Variants in TBL2 observed in about 807,000 individuals in gnomAD.
The protein encoded by TBL2 is transducin beta-like protein 2.
A neutral mutation model predicts 41.8 loss-of-function variants in TBL2; 33 were observed. The observed-to-expected ratio is 0.79, with a 90% CI of 0.60 to 1.06. The LOEUF (loss-of-function observed/expected upper bound fraction) is 1.06, where lower values mean the gene tolerates loss of function less well. TBL2 is among the 50% of genes least tolerant of loss of function. TBL2 has a pLI of 0.00. For synonymous variants in TBL2, 239 were observed against 241.7 expected (o/e 0.99, Z 0.10); for missense variants, 522 against 603.8 (o/e 0.86, Z 1.42).
chr7:73,573,010 C>A (rs782212076), intron 4 of TBL2, 40 bp from the exon 5 acceptor site: 1 of 1,612,726 alleles, frequency 6.2e-7, no homozygotes, highest in South Asian at 1.1e-5. Context: ...GGGCAGTGAC[C>A]TGACCAACTG....
At chr7:73,576,296 G>C (rs11771713) in intron 1 of TBL2, among the ~76,000 whole-genome samples, 7,177 of 151,324 alleles carry the variant, frequency 0.047, 223 homozygotes, top group Non-Finnish European at 0.067. Context: ...GCCTCCCAAA[G>C]TGCTGGGATT....
intron 5 of TBL2, chr7:73,571,760 A>C (rs1205106633): frequency 6.7e-6 from 1 of 149,258 alleles, no homozygotes; most frequent in Non-Finnish European, 1.4e-5. Context: ...AGACTGTCTC[A>C]GAAAAAAAAA....
rs375584679 is a variant in TBL2, at chr7:73,573,984, C to G, written c.400G>C (p.Val134Leu). 19 of 1,614,166 alleles carry G rather than the reference C, an allele frequency of 1.2e-5. No individual in the cohort carries two copies. The highest frequency in any genetic ancestry group is 1.4e-5 in the Non-Finnish European group (17 of 1,180,048). ...ACCAGGGTGGCGTGGTCCAGCTCCACGTTGGCTCTCATGCTGCGGTGCTCT... is the reference window on the plus strand; with the variant it reads ...ACCAGGGTGGCGTGGTCCAGCTCCAGGTTGGCTCTCATGCTGCGGTGCTCT... ...QREHRSMRANVELDHATLVRF... is the reference protein window; with the variant it reads ...QREHRSMRANLELDHATLVRF... Residue 134 changes from valine to leucine, a missense_variant, in exon 3 of 7, where the codon GTG (valine) becomes CTG (leucine). Transcript: ENST00000305632.
rs1391211654 is a variant in TBL2, at chr7:73,569,231, C to G, written c.*1276G>C. On this transcript the variant is annotated 3_prime_UTR_variant, in exon 7 of 7. Transcript: ENST00000305632. ...GTAACCAAAAGAACGTTCTGGTGAA[C>G]AGATGACAGCTGTGGTGGTGGGACA... 1 of 152,056 alleles carries G rather than the reference C, an allele frequency of 6.6e-6. No individual in the cohort carries two copies. Among genetic ancestry groups the G allele is most frequent in the African/African-American group, 2.4e-5 (1 of 41,376 alleles). The allele number at this position is 152,056 out of a possible 1,614,324, so 9.4% of individuals were successfully genotyped here. A position where few individuals can be genotyped will look rare whatever the true frequency, so the allele number is the denominator to read the frequency against.
chr7:73,576,679 A>C (rs1554589005), intron 1 of TBL2: 1 of 456,494 alleles, frequency 2.2e-6, no homozygotes, highest in Non-Finnish European at 4.4e-6. Context: ...CCCCAATTCC[A>C]ACAGGAAAAA....
chr7:73,570,251 G>T lies in TBL2; in HGVS notation c.*256C>A. On this transcript the variant is annotated 3_prime_UTR_variant, in exon 7 of 7. Transcript: ENST00000305632. ...CTCTCTACCATTCTCCTCAGTGCCA[G>T]GTGGGGACAGATTCCACCCACTGGG... 2.0e-6 allele frequency: 1 copy of T among 496,502 alleles called. No individual in the cohort carries two copies. The highest frequency in any genetic ancestry group is 3.4e-6 in the Non-Finnish European group (1 of 291,456). The allele number at this position is 496,502 out of a possible 1,614,324, so 30.8% of individuals were successfully genotyped here. A position where few individuals can be genotyped will look rare whatever the true frequency, so the allele number is the denominator to read the frequency against.
intron 5 of TBL2, 23 bp downstream of exon 5, chr7:73,572,821 C>A: frequency 6.2e-7 from 1 of 1,613,854 alleles, no homozygotes; most frequent in Non-Finnish European, 8.5e-7. Flanking sequence ...TGGTCCCAGA[C>A]GCCAATACCC....
rs782032558 is a variant in TBL2, at chr7:73,571,253, C to T, written c.814G>A (p.Ala272Thr). 1 of 1,614,228 alleles carries T rather than the reference C, an allele frequency of 6.2e-7. No individual in the cohort carries two copies. Among genetic ancestry groups the T allele is most frequent in the Non-Finnish European group, 8.5e-7 (1 of 1,180,038 alleles). ...GCGGAGTGGCCCTTTAGTTCGAAGG[C>T]TCGCACCACCTCCTGGAACTCCCCC... ...KKGEFQEVVRAFELKGHSAAV... is the reference protein window; with the variant it reads ...KKGEFQEVVRTFELKGHSAAV... Residue 272 changes from alanine to threonine, a missense_variant, in exon 6 of 7, where the codon GCC (alanine) becomes ACC (threonine). Ala to Thr is a moderately conservative substitution (Grantham distance 58, BLOSUM62 0). Transcript: ENST00000305632.
Position 73,568,099 on chromosome 7 carries a change from C to T in TBL2, c.*2408G>A, listed in dbSNP as rs781854380. Among the ~76,000 whole-genome samples, 1 of 152,230 alleles carries T rather than the reference C, an allele frequency of 6.6e-6. No homozygotes were observed. The highest frequency in any genetic ancestry group is 1.5e-5 in the Non-Finnish European group (1 of 68,040). ...ATTGCCAAAAGTCTGTGGTTAGGAACATACAAAACCACAATGGAGACTGGG... is the reference window on the plus strand; with the variant it reads ...ATTGCCAAAAGTCTGTGGTTAGGAATATACAAAACCACAATGGAGACTGGG... On this transcript the variant is annotated 3_prime_UTR_variant, in exon 7 of 7. Coordinates refer to ENST00000305632, the MANE Select transcript of TBL2 (RefSeq NM_012453.4).
chr7:73,577,261 CTGCAAA>C (rs1563456478), intron 1 of TBL2, among the ~76,000 whole-genome samples: 44 of 113,500 alleles, frequency 3.9e-4, no homozygotes, highest in African/African-American at 1.1e-3. Flanking sequence ...CTCCGTCCCC[CTGCAAA>C]AAAAAAAAAA....
Position 73,578,559 on chromosome 7 carries a change from A to G in TBL2, c.-10T>C, listed in dbSNP as rs1554589574. ...TCTGCGAGAGCTCCATGTTGGTGGAACCACTGCCACCTCAGCTAGTGAGTA... is the reference window on the plus strand; with the variant it reads ...TCTGCGAGAGCTCCATGTTGGTGGAGCCACTGCCACCTCAGCTAGTGAGTA... On this transcript the variant is annotated 5_prime_UTR_variant, in exon 1 of 7. Coordinates refer to ENST00000305632, the MANE Select transcript of TBL2 (RefSeq NM_012453.4). 6.3e-7 allele frequency: 1 copy of G among 1,578,574 alleles called. No individual in the cohort carries two copies. The highest frequency in any genetic ancestry group is 1.7e-5 in the Admixed American group (1 of 57,754).
At chr7:73,573,088 G>A in intron 4 of TBL2, 118 bp from the exon 5 acceptor site, 5 of 1,483,492 alleles carry the variant, frequency 3.4e-6, no homozygotes, top group Non-Finnish European at 4.6e-6. Flanking sequence ...CAGGCCAAGG[G>A]TCACTACAGA....
chr7:73,568,068 C>T lies in TBL2; in HGVS notation c.*2439G>A, dbSNP rs1214038962. 1.3e-5 allele frequency among the ~76,000 whole-genome samples: 2 copies of T among 152,226 alleles called. No homozygotes were observed. The highest frequency in any genetic ancestry group is 4.8e-5 in the African/African-American group (2 of 41,464). ...GGAAATACTCCTCAGGCCTTGTGTG[C>T]ACAGCATTGCCAAAAGTCTGTGGTT... On this transcript the variant is annotated 3_prime_UTR_variant, in exon 7 of 7. Transcript: ENST00000305632.
rs1554588154 is a variant in TBL2 at position 73,573,338 on chromosome 7, T to C, written c.580A>G (p.Ile194Val). The C allele has an allele frequency of 6.2e-7, 1 of 1,614,088 alleles. No individual in the cohort carries two copies. The highest frequency in any genetic ancestry group is 1.3e-5 in the African/African-American group (1 of 74,944). ...CTCTTACCTGTGTTAGCAATGCCAA[T>C]GTCGATGACAGGCGCCTTGTGCTTT... The part of the protein sequence containing the change: ...PKKHKAPVID[I>V]GIANTGKFIM... Residue 194 changes from isoleucine (I) to valine (V), a missense_variant, in exon 4 of 7, where the codon ATT (isoleucine) becomes GTT (valine). Transcript: ENST00000305632.
In TBL2 at chr7:73,571,265, C is replaced by G; in HGVS notation, c.802G>C (p.Glu268Gln). Residue 268 changes from glutamate (E) to glutamine (Q), a missense_variant, in exon 6 of 7, where the codon GAG becomes CAG. Physicochemically the swap from Glu to Gln is conservative, Grantham distance 29 (BLOSUM62 2). Transcript: ENST00000305632. ...TTTAGTTCGAAGGCTCGCACCACCT[C>G]CTGGAACTCCCCCTTCTTTCCAAAG... ...VCFGKKGEFQ[E>Q]VVRAFELKGH... 1 of 1,614,220 alleles carries G rather than the reference C, an allele frequency of 6.2e-7. No homozygotes were observed. Among genetic ancestry groups the G allele is most frequent in the Non-Finnish European group, 8.5e-7 (1 of 1,180,040 alleles).
rs200216728 is a variant in TBL2 at position 73,570,972 on chromosome 7, C to T, written c.879G>A (p.Arg293=). The T allele has an allele frequency of 1.7e-5, 27 of 1,594,040 alleles. No homozygotes were observed. The highest frequency in any genetic ancestry group is 2.1e-5 in the Non-Finnish European group (25 of 1,168,740). The change falls in exon 7 of 7, where the codon AGG becomes AGA. Residue 293 remains arginine (R), a splice_region_variant and synonymous_variant. Transcript: ENST00000305632. ...HSFAFSNDSR[R]MASVSKDGTW... Reference sequence around the variant, plus strand: ...TACCATCCTTGGAGACAGAAGCCATCCTGCAACACAGAAAATCACAGCTCA... The same window carrying T: ...TACCATCCTTGGAGACAGAAGCCATTCTGCAACACAGAAAATCACAGCTCA...
chr7:73,570,536 G>A lies in TBL2; in HGVS notation c.1315C>T (p.Leu439=), dbSNP rs782490245. 2 of 1,588,602 alleles carry A rather than the reference G, an allele frequency of 1.3e-6. No individual in the cohort carries two copies. The highest frequency in any genetic ancestry group is 1.7e-6 in the Non-Finnish European group (2 of 1,168,412). Residue 439 remains leucine (L), a synonymous_variant, in exon 7 of 7, where the codon CTG becomes TTG. Coordinates refer to ENST00000305632, the MANE Select transcript of TBL2 (RefSeq NM_012453.4). ...TTCTTCAGGGCACCCAGGCTCTTCA[G>A]GGTCTCTTGGGCCTGGGTCAGCTGC... The part of the protein sequence containing the change: ...QQQLTQAQET[L]KSLGALKK
intron 1 of TBL2, chr7:73,576,620 T>C (rs2116011669): frequency 6.6e-6 from 3 of 456,508 alleles, no homozygotes; most frequent in East Asian, 1.4e-4. Flanking sequence ...TTGTAAAAGA[T>C]ACTTAATTGA....
At position 73,569,589 on chromosome 7, in the gene TBL2, C is replaced by T. The variant is rs151315712; in HGVS notation, c.*918G>A. On this transcript the variant is annotated 3_prime_UTR_variant, in exon 7 of 7. Coordinates refer to ENST00000305632, the MANE Select transcript of TBL2 (RefSeq NM_012453.4). ...ATATATAACAATAGCTATGAATAAA[C>T]TAACACAAAGCACTTAATAAGGGTG... The T allele has an allele frequency of 6.6e-6, 1 of 152,308 alleles. No individual in the cohort carries two copies. The highest frequency in any genetic ancestry group is 1.5e-5 in the Non-Finnish European group (1 of 68,038). The allele number at this position is 152,308 out of a possible 1,614,324, so 9.4% of individuals were successfully genotyped here. A position where few individuals can be genotyped will look rare whatever the true frequency, so the allele number is the denominator to read the frequency against.
Sources: gnomAD v4.1 joint callset for allele counts (sites outside exome capture counted in the v4.1 genomes callset) on GRCh38, gnomAD v4.1.1 for gene constraint, MANE v1.5 for transcripts, NCBI Gene and HGNC (gene_info 2026-07-23, HGNC 2026-07-21) for gene names.